Variants in CIC observed in about 807,000 individuals in gnomAD.
CIC encodes protein capicua homolog.
Under a neutral mutation model 115.7 loss-of-function variants are expected in CIC, and 18 were observed. The ratio of observed to expected loss-of-function variants is 0.16; its 90% CI spans 0.11 to 0.23. CIC has a LOEUF of 0.23. CIC is among the 10% of genes least tolerant of loss of function. The probability of loss-of-function intolerance (pLI) is 1.00; values close to 1 mark genes in which losing one functional copy is unlikely to be tolerated. For missense variants in CIC, 2,000 were observed against 2,159.3 expected (o/e 0.93, Z 1.46); for synonymous variants, 1,076 against 923.0 (o/e 1.17, Z -3.01).
In CIC at chr19:42,270,923, G is replaced by A. The variant is rs1599844874; in HGVS notation, c.-10-851G>A. On this transcript the variant is annotated intron_variant, in intron 1 of 20. Coordinates refer to ENST00000681038, the MANE Select transcript of CIC (RefSeq NM_001386298.1). The surrounding 1 kb of genome is among the most constrained non-coding windows in gnomAD (Gnocchi z 4.1). ...GGGTATGAGCTCTTGCCCCAGACATGCCCCTGCCTGCTCCCTGCCAGGATC... is the reference window on the plus strand; with the variant it reads ...GGGTATGAGCTCTTGCCCCAGACATACCCCTGCCTGCTCCCTGCCAGGATC... 1.3e-5 allele frequency among the ~76,000 whole-genome samples: 2 copies of A among 152,306 alleles called. No homozygotes were observed. The highest frequency in any genetic ancestry group is 6.8e-3 in the Middle Eastern group (2 of 294).
At chr19:42,274,794 C>T (rs1021892804) in intron 2 of CIC, among the ~76,000 whole-genome samples, 5 of 152,178 alleles carry the variant, frequency 3.3e-5, no homozygotes, top group South Asian at 2.1e-4. Flanking sequence ...TGTCAGAGAA[C>T]GTGGTCTCAA....
rs1267164317 is a variant in CIC at position 42,289,101 on chromosome 19, C to T, written c.3861+11C>T. 1 of 1,613,438 alleles carries T rather than the reference C, an allele frequency of 6.2e-7. No homozygotes were observed. Among genetic ancestry groups the T allele is most frequent in the Admixed American group, 1.7e-5 (1 of 60,034 alleles). ...CAGGAACTGACGCAGGTCTAGGGTG[C>T]AGGCCCCCTAGTGGGGGTGGGCAGG... On this transcript the variant is annotated intron_variant, in intron 8 of 20. Transcript: ENST00000681038.
chr19:42,288,031 G>C (rs1426390466), intron 7 of CIC, 56 bp downstream of exon 7: 2 of 1,544,782 alleles, frequency 1.3e-6, no homozygotes, highest in Non-Finnish European at 1.8e-6. Context: ...AGAGCCACCA[G>C]CTACCCCCTT....
At position 42,293,085 on chromosome 19, in the gene CIC, C is replaced by T; in HGVS notation, c.6326C>T (p.Pro2109Leu). Reference protein sequence around the residue: ...GSFEAGASGRPGPAPRQPLEP... With the variant: ...GSFEAGASGRLGPAPRQPLEP... ...TTTGAGGCAGGTGCCTCTGGGCGGCCTGGCCCTGCACCCCGGCAGCCTCTG... is the reference window on the plus strand; with the variant it reads ...TTTGAGGCAGGTGCCTCTGGGCGGCTTGGCCCTGCACCCCGGCAGCCTCTG... Residue 2109 changes from proline (P) to leucine (L), a missense_variant, in exon 16 of 21, where the codon CCT becomes CTT. By Grantham distance (98) the Pro-to-Leu change is moderately conservative. Around this residue, in one of 8 missense-constraint regions of CIC, gnomAD observed 1,466 missense variants for 1,390.4 expected, o/e 1.05. Transcript: ENST00000681038. 1 of 1,610,936 alleles carries T rather than the reference C, an allele frequency of 6.2e-7. No homozygotes were observed. Among genetic ancestry groups the T allele is most frequent in the Non-Finnish European group, 8.5e-7 (1 of 1,179,182 alleles).
Position 42,295,425 on chromosome 19 carries a change from C to T in CIC, c.*234C>T, listed in dbSNP as rs1237411225. ...CCCTCCTCCAAGCCCCTGTACATAACCTGGAGCGTGTGACCTTCAGAGCTT... is the reference window on the plus strand; with the variant it reads ...CCCTCCTCCAAGCCCCTGTACATAATCTGGAGCGTGTGACCTTCAGAGCTT... On this transcript the variant is annotated 3_prime_UTR_variant, in exon 21 of 21. Transcript: ENST00000681038. The T allele has an allele frequency of 7.5e-6, 4 of 533,664 alleles. No individual in the cohort carries two copies. Among genetic ancestry groups the T allele is most frequent in the Non-Finnish European group, 1.0e-5 (3 of 300,846 alleles). 33.1% of individuals were successfully genotyped at this position (533,664 alleles called of 1,614,324 possible).
Position 42,293,273 on chromosome 19 carries a change from G to A in CIC, c.6514G>A (p.Glu2172Lys). Residue 2172 changes from glutamate (E) to lysine (K), a missense_variant, in exon 16 of 21, where the codon GAG (glutamate) becomes AAG (lysine). This residue lies in a region of CIC where 1,466 missense variants were observed against 1,390.4 expected (regional missense o/e 1.05). Transcript: ENST00000681038. ...AEERTSAKGP[E>K]TMASKFPSSS... Reference sequence around the variant, plus strand: ...GGAGCGGACCAGCGCCAAGGGCCCTGAGACCATGGTGAGCGCCTGCAGGCC... The same window carrying A: ...GGAGCGGACCAGCGCCAAGGGCCCTAAGACCATGGTGAGCGCCTGCAGGCC... The A allele has an allele frequency of 6.3e-7, 1 of 1,578,104 alleles. No homozygotes were observed. Among genetic ancestry groups the A allele is most frequent in the Non-Finnish European group, 8.6e-7 (1 of 1,164,712 alleles).
Position 42,292,853 on chromosome 19 carries a change from G to A in CIC, c.6190G>A (p.Ala2064Thr), listed in dbSNP as rs148703020. 36 of 1,613,636 alleles carry A rather than the reference G, an allele frequency of 2.2e-5. No individual in the cohort carries two copies. The highest frequency in any genetic ancestry group is 1.6e-4 in the Middle Eastern group (1 of 6,084). The change falls in exon 15 of 21, where the codon GCC becomes ACC. Residue 2064 changes from alanine (A) to threonine (T), a missense_variant. Ala to Thr is a moderately conservative substitution (Grantham distance 58). Transcript: ENST00000681038. ...AGCCCCGACTAGCCCTTTCCCCAGC[G>A]CCACAGGTAGGTGTCAGATCAACCC... ...TPAPTSPFPSATAGSMTYSLV... is the reference protein window; with the variant it reads ...TPAPTSPFPSTTAGSMTYSLV...
rs751173226 is a variant in CIC at position 42,292,331 on chromosome 19, G to T, written c.5767G>T (p.Ala1923Ser). The change falls in exon 14 of 21, where the codon GCG becomes TCG. Residue 1923 changes from alanine to serine, a missense_variant. Physicochemically the swap from Ala to Ser is moderately conservative, Grantham distance 99. Coordinates refer to ENST00000681038, the MANE Select transcript of CIC (RefSeq NM_001386298.1). ...ITYVQSAGGH[A>S]LPLGTSPASS... ...CTATGTGCAGTCAGCGGGCGGGCAC[G>T]CGCTGCCCCTGGGTACCAGCCCTGC... 10 of 1,613,092 alleles carry T rather than the reference G, an allele frequency of 6.2e-6. No homozygotes were observed. In the Admixed American group the frequency reaches 6.7e-5, roughly 11 times the overall value.
chr19:42,274,689 C>T (rs755426283), intron 2 of CIC, 112 bp downstream of exon 2: 6 of 397,804 alleles, frequency 1.5e-5, no homozygotes, highest in Non-Finnish European at 2.2e-5. Flanking sequence ...AAGGGGAGGC[C>T]GGCCTCCTCT....
At chr19:42,288,194 A>G (rs999876957) in intron 7 of CIC, among the ~76,000 whole-genome samples, 1 of 152,270 alleles carries the variant, frequency 6.6e-6, no homozygotes, top group East Asian at 1.9e-4. Context: ...CTCGTTATCA[A>G]CTGTTGTTTA....
In CIC at chr19:42,294,973, G is replaced by A; in HGVS notation, c.7336G>A (p.Val2446Ile). Residue 2446 changes from valine to isoleucine, a missense_variant, in exon 21 of 21, where the codon GTA (valine) becomes ATA (isoleucine). Physicochemically the swap from Val to Ile is conservative, Grantham distance 29 (BLOSUM62 3). Transcript: ENST00000681038. ...CCCTGGAGCTGAGGCTCCTCTCCCT[G>A]TACCGCCCCCCACTGGCACCGCTGC... The part of the protein sequence containing the change: ...QPPGAEAPLP[V>I]PPPTGTAAAP... 1 of 1,599,858 alleles carries A rather than the reference G, an allele frequency of 6.3e-7. No homozygotes were observed. Among genetic ancestry groups the A allele is most frequent in the Non-Finnish European group, 8.5e-7 (1 of 1,179,800 alleles).
chr19:42,283,922 GGCGGGGCCTGACCC>G (rs1399730881), intron 2 of CIC: 2 of 151,354 alleles, frequency 1.3e-5, no homozygotes, highest in African/African-American at 2.4e-5. Context: ...GGGCGGGCGC[GGCGGGGCCTGACCC>G]GCGCGCGGCG....
chr19:42,273,580 G>A lies in CIC; in HGVS notation c.1797G>A (p.Ala599=), dbSNP rs777291344. Residue 599 remains alanine, a synonymous_variant, in exon 2 of 21, where the codon GCG becomes GCA. Transcript: ENST00000681038. ...GCTTTGAGTTCGACGAGTGTGAGGC[G>A]GCCGTGATGCTGGTGTCGCTGGGCA... ...LSRFEFDECE[A]AVMLVSLGSS... 6 of 398,398 alleles carry A rather than the reference G, an allele frequency of 1.5e-5. No homozygotes were observed. Among genetic ancestry groups the A allele is most frequent in the African/African-American group, 4.1e-5 (2 of 48,598 alleles). 24.7% of individuals were successfully genotyped at this position (398,398 alleles called of 1,614,324 possible).
rs1479809119 is a variant in CIC at position 42,272,319 on chromosome 19, C to T, written c.536C>T (p.Pro179Leu). 1.0e-5 allele frequency: 4 copies of T among 398,438 alleles called. No homozygotes were observed. Among genetic ancestry groups the T allele is most frequent in the African/African-American group, 2.1e-5 (1 of 48,614 alleles). 24.7% of individuals were successfully genotyped at this position (398,438 alleles called of 1,614,324 possible). A position where few individuals can be genotyped will look rare whatever the true frequency, so the allele number is the denominator to read the frequency against. ...SEHSADLEDE[P>L]AEACGPGPWP... The stretch of plus-strand genomic sequence containing the variant: ...CACTCGGCGGACCTGGAGGATGAGC[C>T]GGCTGAGGCTTGTGGTCCAGGCCCT... Residue 179 changes from proline (P) to leucine (L), a missense_variant, in exon 2 of 21, where the codon CCG (proline) becomes CTG (leucine). Around this residue, in one of 8 missense-constraint regions of CIC, gnomAD observed 222 missense variants for 247.7 expected, o/e 0.90. Transcript: ENST00000681038.
At position 42,295,348 on chromosome 19, in the gene CIC, C is replaced by G. The variant is rs970909670; in HGVS notation, c.*157C>G. ...TCCTCTTGTAAATACCCCCTTCCCT[C>G]GAAGCTCCCTCCCGGTGCTGGGGGG... On this transcript the variant is annotated 3_prime_UTR_variant, in exon 21 of 21. Transcript: ENST00000681038. The G allele has an allele frequency of 1.5e-5, 10 of 658,128 alleles. No homozygotes were observed. Among genetic ancestry groups the G allele is most frequent in the African/African-American group, 1.5e-4 (8 of 55,012 alleles). The allele number at this position is 658,128 out of a possible 1,614,324, so 40.8% of individuals were successfully genotyped here. A position where few individuals can be genotyped will look rare whatever the true frequency, so the allele number is the denominator to read the frequency against.
Position 42,295,349 on chromosome 19 carries a change from G to A in CIC, c.*158G>A, listed in dbSNP as rs1375407375. 1.1e-5 allele frequency: 7 copies of A among 658,696 alleles called. No individual in the cohort carries two copies. The highest frequency in any genetic ancestry group is 2.0e-5 in the South Asian group (1 of 50,720). 40.8% of individuals were successfully genotyped at this position (658,696 alleles called of 1,614,324 possible). ...CCTCTTGTAAATACCCCCTTCCCTC[G>A]AAGCTCCCTCCCGGTGCTGGGGGGC... is the stretch of plus-strand genomic sequence containing the variant. On this transcript the variant is annotated 3_prime_UTR_variant, in exon 21 of 21. Coordinates refer to ENST00000681038, the MANE Select transcript of CIC (RefSeq NM_001386298.1).
At chr19:42,288,013 C>T (rs951707267) in intron 7 of CIC, 38 bp downstream of exon 7, 27 of 1,558,636 alleles carry the variant, frequency 1.7e-5, no homozygotes, top group Non-Finnish European at 2.1e-5. Flanking sequence ...CTGCCACCTC[C>T]CTCCCCGAGA....
chr19:42,283,426 C>T (rs1490755794), intron 2 of CIC, among the ~76,000 whole-genome samples: 1 of 151,916 alleles, frequency 6.6e-6, no homozygotes, highest in Admixed American at 6.6e-5. Context: ...GGACCGTGAG[C>T]GTGTGAGGTT....
At chr19:42,281,535 C>T (rs1401233260) in intron 2 of CIC, among the ~76,000 whole-genome samples, 2 of 152,172 alleles carry the variant, frequency 1.3e-5, no homozygotes, top group African/African-American at 4.8e-5. Flanking sequence ...CTGCTCAGTA[C>T]CTTTTTCCAA....
Sources: allele counts gnomAD v4.1 joint callset (sites outside exome capture counted in the v4.1 genomes callset), GRCh38; gene constraint gnomAD v4.1.1; regional missense constraint gnomAD v4.1.1; non-coding constraint Gnocchi (gnomAD v3.1); transcripts MANE v1.5; gene names NCBI Gene and HGNC (gene_info 2026-07-23, HGNC 2026-07-21).